Variants in DLGAP1 observed in about 807,000 individuals in gnomAD.
DLGAP1 encodes disks large-associated protein 1.
In DLGAP1, 11 loss-of-function variants were observed where a neutral mutation model predicts 90.8. The ratio of observed to expected loss-of-function variants is 0.12; its 90% CI spans 0.08 to 0.20. The LOEUF is 0.20. Among genes scored for constraint, DLGAP1 ranks in the 10% least tolerant of loss-of-function variants. DLGAP1 has a pLI of 1.00. For missense variants in DLGAP1, 1,050 were observed against 1,333.8 expected (o/e 0.79, Z 3.31); for synonymous variants, 558 against 540.7 (o/e 1.03, Z -0.44).
At chr18:4,126,770 AT>A (rs2076239269) in intron 2 of DLGAP1, among the ~76,000 whole-genome samples, 1 of 152,088 alleles carries the variant, frequency 6.6e-6, no homozygotes, top group Non-Finnish European at 1.5e-5. Flanking sequence ...GTGCTTCAAG[AT>A]TTTTATTTTT....
At chr18:4,009,518 G>C (rs1568349271) in intron 2 of DLGAP1, among the ~76,000 whole-genome samples, 1 of 152,214 alleles carries the variant, frequency 6.6e-6, no homozygotes, top group Non-Finnish European at 1.5e-5. Context: ...AGATACTGGA[G>C]ATAGAGAGGA....
intron 3 of DLGAP1, among the ~76,000 whole-genome samples, chr18:4,004,841 A>G (rs1192628477): frequency 6.6e-6 from 1 of 151,882 alleles, no homozygotes; most frequent in East Asian, 1.9e-4. Context: ...CGGCACAGGC[A>G]TTTCTTTCTA....
chr18:4,277,894 T>C (rs904272756), intron 1 of DLGAP1, among the ~76,000 whole-genome samples: 1 of 152,156 alleles, frequency 6.6e-6, no homozygotes, highest in Non-Finnish European at 1.5e-5. Flanking sequence ...CAATGTCTGC[T>C]CCACTCTAAA....
At chr18:3,795,612 C>T (rs918376060) in intron 5 of DLGAP1, among the ~76,000 whole-genome samples, 3 of 152,088 alleles carry the variant, frequency 2.0e-5, no homozygotes, top group African/African-American at 4.8e-5. Context: ...CCGCGCCTGG[C>T]CTGTTTTCTA....
intron 7 of DLGAP1, among the ~76,000 whole-genome samples, chr18:3,664,238 G>A (rs2059801137): frequency 7.1e-6 from 1 of 141,154 alleles, no homozygotes; most frequent in African/African-American, 2.8e-5. Context: ...ACACACACAC[G>A]GATATACTAC....
At chr18:3,892,804 T>A (rs2071506007) in intron 3 of DLGAP1, among the ~76,000 whole-genome samples, 1 of 151,570 alleles carries the variant, frequency 6.6e-6, no homozygotes, top group African/African-American at 2.4e-5. Context: ...AAAGACAAGG[T>A]TTTTAGGACA....
intron 5 of DLGAP1, among the ~76,000 whole-genome samples, chr18:3,812,190 G>C (rs1278196983): frequency 1.3e-5 from 2 of 152,146 alleles, no homozygotes; most frequent in Non-Finnish European, 2.9e-5. Context: ...GTGTCTAGTG[G>C]AGAGATATTT....
intron 4 of DLGAP1, among the ~76,000 whole-genome samples, chr18:3,835,571 T>C (rs892480712): frequency 1.3e-5 from 2 of 150,400 alleles, no homozygotes; most frequent in Non-Finnish European, 3.0e-5. Context: ...ATCGCTTGAA[T>C]CTGGGAAGTG....
chr18:4,421,691 C>T (rs1472501133), intron 1 of DLGAP1, among the ~76,000 whole-genome samples: 1 of 152,036 alleles, frequency 6.6e-6, no homozygotes, highest in African/African-American at 2.4e-5. Flanking sequence ...TGCATATTGC[C>T]TTTATAGTTT....
chr18:3,551,680 T>C lies in DLGAP1; in HGVS notation c.2057+15810A>G, dbSNP rs1357615099. Among the ~76,000 whole-genome samples the C allele has an allele frequency of 1.5e-3, 21 of 14,054 alleles. 1 individual carries two copies. The highest frequency in any genetic ancestry group is 2.2e-3 in the Non-Finnish European group (15 of 6,892). 9.2% of individuals were successfully genotyped at this position (14,054 alleles called of 152,430 possible). A position where few individuals can be genotyped will look rare whatever the true frequency, so the allele number is the denominator to read the frequency against. On this transcript the variant is annotated intron_variant, in intron 9 of 12. Transcript: ENST00000315677. ...TGTCTCTTTCCTTCTTTCTTTTCCCTCCCCTCCCTCCCTCCCTCCCTCCCT... is the reference window on the plus strand; with the variant it reads ...TGTCTCTTTCCTTCTTTCTTTTCCCCCCCCTCCCTCCCTCCCTCCCTCCCT...
chr18:4,168,347 T>A (rs2144563967), intron 1 of DLGAP1, among the ~76,000 whole-genome samples: 1 of 152,308 alleles, frequency 6.6e-6, no homozygotes, highest in African/African-American at 2.4e-5. Context: ...CAAGGGAATT[T>A]TTCAGCAAAT....
At position 3,600,749 on chromosome 18, in the gene DLGAP1, T is replaced by TATATATAGATATATAG. The variant is rs1568277676; in HGVS notation, c.1592-18517_1592-18502dup. On this transcript the variant is annotated intron_variant, in intron 7 of 12. Transcript: ENST00000315677. The stretch of plus-strand genomic sequence containing the variant: ...ATATAGATATATATAGATATATAGA[T>TATATATAGATATATAG]ATATATAGATATATAGATATATATA... Among the ~76,000 whole-genome samples the TATATATAGATATATAG allele has an allele frequency of 2.9e-3, 37 of 12,904 alleles. 1 individual carries two copies. Among genetic ancestry groups the TATATATAGATATATAG allele is most frequent in the African/African-American group, 9.3e-3 (28 of 3,002 alleles). The allele number at this position is 12,904 out of a possible 152,430, so 8.5% of individuals were successfully genotyped here.
At chr18:4,082,510 C>CAAAAAAAA (rs59735494) in intron 2 of DLGAP1, among the ~76,000 whole-genome samples, 19 of 52,096 alleles carry the variant, frequency 3.6e-4, no homozygotes, top group East Asian at 1.5e-3. Flanking sequence ...GACTTTGTCT[C>CAAAAAAAA]AAAAAAAAAA....
At chr18:3,580,581 T>A in intron 8 of DLGAP1, 2 of 1,586,722 alleles carry the variant, frequency 1.3e-6, no homozygotes, top group Non-Finnish European at 1.7e-6. Context: ...GGGGAGGAGG[T>A]GCCCATGGAG....
intron 3 of DLGAP1, among the ~76,000 whole-genome samples, chr18:3,920,737 G>C (rs73374597): frequency 0.016 from 2,386 of 150,834 alleles, 59 homozygotes; most frequent in African/African-American, 0.055. Context: ...AAAAGGTCTT[G>C]TTGACCTGAC....
chr18:3,985,521 CTT>C (rs35320019), intron 3 of DLGAP1, among the ~76,000 whole-genome samples: 63,326 of 145,564 alleles, frequency 0.44, 13,465 homozygotes, highest in East Asian at 0.53. Flanking sequence ...CTTCGACTTA[CTT>C]TTTTTTTTTT....
intron 2 of DLGAP1, among the ~76,000 whole-genome samples, chr18:4,128,245 T>A (rs1324786166): frequency 6.6e-6 from 1 of 152,148 alleles, no homozygotes; most frequent in Non-Finnish European, 1.5e-5. Flanking sequence ...AACAATACAG[T>A]ATAACAATTA....
intron 2 of DLGAP1, among the ~76,000 whole-genome samples, chr18:4,027,293 G>A (rs1274307956): frequency 6.6e-6 from 1 of 151,720 alleles, no homozygotes; most frequent in African/African-American, 2.4e-5. Flanking sequence ...ATCACTGGAG[G>A]CCAGGAGTTC....
rs2049782987 is a variant in DLGAP1, at chr18:3,498,902, T to C, written c.*283A>G. 11 of 462,570 alleles carry C rather than the reference T, an allele frequency of 2.4e-5. No homozygotes were observed. In the South Asian group the frequency reaches 3.5e-4, roughly 15 times the overall value. 28.7% of individuals were successfully genotyped at this position (462,570 alleles called of 1,614,324 possible). ...CACTTCTACACAGGTGGGTTTGGCT[T>C]TGCCCAGAAAATAAAGGGTTGGATC... is the stretch of plus-strand genomic sequence containing the variant. On this transcript the variant is annotated 3_prime_UTR_variant, in exon 13 of 13. Transcript: ENST00000315677.
Sources: gnomAD v4.1 joint callset for allele counts (sites outside exome capture counted in the v4.1 genomes callset) on GRCh38, gnomAD v4.1.1 for gene constraint, MANE v1.5 for transcripts, NCBI Gene and HGNC (gene_info 2026-07-23, HGNC 2026-07-21) for gene names.